Variants in RANBP2 observed in about 807,000 individuals in gnomAD.
RANBP2 encodes the protein E3 SUMO-protein ligase RanBP2.
In RANBP2, 57 loss-of-function variants were observed where a neutral mutation model predicts 303.6. That is an observed-to-expected ratio of 0.19 (90% CI 0.15 to 0.23). The LOEUF is 0.23. Ranked by LOEUF, RANBP2 falls within the 10% of genes least tolerant of loss-of-function variation. The probability of loss-of-function intolerance (pLI) is 1.00; values close to 1 mark genes in which losing one functional copy is unlikely to be tolerated. For synonymous variants in RANBP2, 1,167 were observed against 1,301.5 expected, an observed-to-expected ratio of 0.90 and a Z score of 2.23; for missense variants, 3,138 against 3,780.8, an observed-to-expected ratio of 0.83 and a Z score of 4.46.
At chr2:109,041,604 C>A in the RANBP2 span, among the ~76,000 whole-genome samples, 3 of 148,976 alleles carry the variant, frequency 2.0e-5, no homozygotes, top group Admixed American at 1.3e-4. Context: ...CTCACTGCAA[C>A]CTTTGCCTCT....
chr2:109,101,835 T>G, the RANBP2 span, among the ~76,000 whole-genome samples: 2 of 152,074 alleles, frequency 1.3e-5, no homozygotes, highest in Non-Finnish European at 2.9e-5. Context: ...CTTGGTTGCT[T>G]GAGTGTTTTA....
chr2:109,007,786 T>C, the RANBP2 span, among the ~76,000 whole-genome samples: 1 of 152,340 alleles, frequency 6.6e-6, no homozygotes, highest in East Asian at 1.9e-4. Context: ...TGTGCGTTCT[T>C]AGAGATAAAG....
chr2:108,947,422 C>T, the RANBP2 span, among the ~76,000 whole-genome samples: 8 of 152,154 alleles, frequency 5.3e-5, no homozygotes, highest in African/African-American at 1.7e-4. Flanking sequence ...TAGGCAGTGC[C>T]CCAGTGGGGA....
intron 17 of RANBP2, among the ~76,000 whole-genome samples, chr2:108,757,804 G>A (rs1379963929): frequency 6.6e-6 from 1 of 152,182 alleles, no homozygotes. Context: ...GTGAACGTCA[G>A]AAAGGTTAAT....
chr2:109,293,686 T>A, the RANBP2 span, among the ~76,000 whole-genome samples: 3 of 152,348 alleles, frequency 2.0e-5, no homozygotes, highest in Admixed American at 2.0e-4. Flanking sequence ...CATCGGAAAG[T>A]GAGTGTCCTG....
At chr2:109,174,033 A>G in the RANBP2 span, among the ~76,000 whole-genome samples, 1 of 152,232 alleles carries the variant, frequency 6.6e-6, no homozygotes, top group Non-Finnish European at 1.5e-5. Flanking sequence ...CAGAGAACAC[A>G]CAGCAGTGCG....
the RANBP2 span, among the ~76,000 whole-genome samples, chr2:109,603,621 A>G: frequency 6.6e-6 from 1 of 152,208 alleles, no homozygotes. Flanking sequence ...GTATAAATCA[A>G]TATCCTTGCA....
the RANBP2 span, among the ~76,000 whole-genome samples, chr2:109,710,157 G>A: frequency 6.6e-6 from 1 of 151,612 alleles, no homozygotes; most frequent in Non-Finnish European, 1.5e-5. Flanking sequence ...CGAGACGGGT[G>A]GATCACTTGA....
chr2:108,986,471 T>C, the RANBP2 span, among the ~76,000 whole-genome samples: 1 of 152,260 alleles, frequency 6.6e-6, no homozygotes, highest in African/African-American at 2.4e-5. Context: ...TGTGTCAGTG[T>C]TGGAGGCAGA....
At chr2:109,166,046 G>C in the RANBP2 span, among the ~76,000 whole-genome samples, 1 of 152,128 alleles carries the variant, frequency 6.6e-6, no homozygotes, top group South Asian at 2.1e-4. Context: ...TACATACCTT[G>C]GTGAGCCTCA....
At chr2:109,319,989 G>C in the RANBP2 span, among the ~76,000 whole-genome samples, 44 of 152,296 alleles carry the variant, frequency 2.9e-4, 1 homozygote, top group Non-Finnish European at 5.0e-4. Context: ...GATGGAGAGT[G>C]GGGGGTGCTA....
intron 24 of RANBP2, among the ~76,000 whole-genome samples, chr2:108,776,668 A>G (rs1208279020): frequency 6.6e-6 from 1 of 152,206 alleles, no homozygotes; most frequent in Non-Finnish European, 1.5e-5. Context: ...TCACATTAGC[A>G]GAATTAAGAG....
At position 108,782,508 on chromosome 2, in the gene RANBP2, C is replaced by G; in HGVS notation, c.9035-20C>G. ...TATTTTAATACTAAGGTCACTGCTTCCCCTTTCCCTCCCTGCCAGATGGAG... is the reference window on the plus strand; with the variant it reads ...TATTTTAATACTAAGGTCACTGCTTGCCCTTTCCCTCCCTGCCAGATGGAG... On this transcript the variant is annotated intron_variant, in intron 27 of 28. Coordinates refer to ENST00000283195, the MANE Select transcript of RANBP2 (RefSeq NM_006267.5). The G allele has an allele frequency of 6.2e-7, 1 of 1,613,876 alleles. No homozygotes were observed. The highest frequency in any genetic ancestry group is 8.5e-7 in the Non-Finnish European group (1 of 1,179,834).
the RANBP2 span, among the ~76,000 whole-genome samples, chr2:109,637,100 G>A: frequency 6.6e-6 from 1 of 152,182 alleles, no homozygotes; most frequent in African/African-American, 2.4e-5. Context: ...CAACAAACAT[G>A]TGAGCAATAG....
the RANBP2 span, among the ~76,000 whole-genome samples, chr2:109,702,166 T>C: frequency 1.3e-5 from 2 of 152,286 alleles, no homozygotes; most frequent in East Asian, 3.9e-4. Flanking sequence ...CTTGGTGTGT[T>C]AGCTTCCAGT....
the RANBP2 span, among the ~76,000 whole-genome samples, chr2:109,659,562 G>T: frequency 6.6e-6 from 1 of 152,320 alleles, no homozygotes; most frequent in African/African-American, 2.4e-5. Context: ...TGGGACAGAT[G>T]GTGGGCTAGG....
At chr2:108,818,149 T>C in the RANBP2 span, among the ~76,000 whole-genome samples, 1 of 152,018 alleles carries the variant, frequency 6.6e-6, no homozygotes, top group Non-Finnish European at 1.5e-5. Flanking sequence ...CTACAAAAAA[T>C]ACAAAAGTTA....
At chr2:108,753,648 C>A (rs1255797129) in intron 14 of RANBP2, 85 bp downstream of exon 14, 13 of 1,594,326 alleles carry the variant, frequency 8.2e-6, no homozygotes, top group Non-Finnish European at 1.1e-5. Flanking sequence ...GTTGGTCGGG[C>A]TAGAGTGCAG....
the RANBP2 span, among the ~76,000 whole-genome samples, chr2:109,276,213 A>G: frequency 6.6e-6 from 1 of 152,206 alleles, no homozygotes; most frequent in Non-Finnish European, 1.5e-5. Context: ...ACATCACCAT[A>G]TGTGTGAGTC....
Sources: gnomAD v4.1 joint callset for allele counts (sites outside exome capture counted in the v4.1 genomes callset) on GRCh38, gnomAD v4.1.1 for gene constraint, MANE v1.5 for transcripts, NCBI Gene and HGNC (gene_info 2026-07-23, HGNC 2026-07-21) for gene names.